Variants in EPS8 observed in about 807,000 individuals in gnomAD.
EPS8 encodes EGFR pathway substrate 8, signaling adaptor, also known as epidermal growth factor receptor kinase substrate 8.
In EPS8, 42 loss-of-function variants were observed where a neutral mutation model predicts 103.8. The ratio of observed to expected loss-of-function variants is 0.40; its 90% confidence interval spans 0.32 to 0.52. EPS8 has a LOEUF of 0.52. Among genes scored for constraint, EPS8 ranks in the 20% least tolerant of loss-of-function variants. EPS8 has a pLI of 0.40. For missense variants in EPS8, 969 were observed against 1,005.1 expected (o/e 0.96, Z 0.49); for synonymous variants, 344 against 344.6 (o/e 1.00, Z 0.02).
At position 15,734,995 on chromosome 12, in the gene EPS8, A is replaced by C. The variant is rs1007334316; in HGVS notation, c.-21-52023T>G. Reference sequence around the variant, plus strand: ...CAACACTGAAGGGCATCTGTAGCACAGCCCAGGTATTGACAGGGAGCTCCG... The same window carrying C: ...CAACACTGAAGGGCATCTGTAGCACCGCCCAGGTATTGACAGGGAGCTCCG... On this transcript the variant is annotated intron_variant, in intron 1 of 20. Transcript: ENST00000281172. The surrounding 1 kb of genome is among the most constrained non-coding windows in gnomAD (Gnocchi z 4.1). Among the ~76,000 whole-genome samples, 4 of 152,204 alleles carry C rather than the reference A, an allele frequency of 2.6e-5. No individual in the cohort carries two copies. The highest frequency in any genetic ancestry group is 2.6e-4 in the Admixed American group (4 of 15,290).
intron 15 of EPS8, 47 bp downstream of exon 15, chr12:15,647,080 A>G: frequency 6.3e-7 from 1 of 1,575,316 alleles, no homozygotes; most frequent in Non-Finnish European, 8.6e-7. Context: ...GCACTAGATC[A>G]GAGACATTTA....
At position 15,762,164 on chromosome 12, in the gene EPS8, CA is replaced by C. The variant is rs1046693909; in HGVS notation, c.-22+26996del. ...TTCTCAAAGGAAGACATACAAATGG[CA>C]AACAGGCATACGAAAAGGTGCTCAA... On this transcript the variant is annotated intron_variant, in intron 1 of 20. Transcript: ENST00000281172. This position sits in a 1 kb window ranked among gnomAD's most constrained non-coding sequence, Gnocchi z 4.8. Among the ~76,000 whole-genome samples, 6 of 152,046 alleles carry C rather than the reference CA, an allele frequency of 3.9e-5. No individual in the cohort carries two copies. Among genetic ancestry groups the C allele is most frequent in the African/African-American group, 1.4e-4 (6 of 41,408 alleles).
intron 1 of EPS8, among the ~76,000 whole-genome samples, chr12:15,775,377 C>T (rs1001701286): frequency 2.0e-4 from 31 of 151,956 alleles, no homozygotes; most frequent in Non-Finnish European, 8.8e-5. Flanking sequence ...TTAAATTGAC[C>T]TTAATAGTTT....
At chr12:15,635,571 A>G (rs1013043530) in intron 17 of EPS8, among the ~76,000 whole-genome samples, 3 of 152,318 alleles carry the variant, frequency 2.0e-5, no homozygotes, top group Admixed American at 1.3e-4. Flanking sequence ...GAGCACTAAT[A>G]ACATAGGCTG....
Position 15,769,506 on chromosome 12 carries a change from A to G in EPS8, c.-22+19655T>C, listed in dbSNP as rs1947131025. 6.6e-6 allele frequency among the ~76,000 whole-genome samples: 1 copy of G among 152,264 alleles called. No homozygotes were observed. Among genetic ancestry groups the G allele is most frequent in the South Asian group, 2.1e-4 (1 of 4,838 alleles). ...TCAACTTTGGAAAAATTACACAAAT[A>G]TAAGACGCTCTTGTTGGCAAATATT... On this transcript the variant is annotated intron_variant, in intron 1 of 20. Coordinates refer to ENST00000281172, the MANE Select transcript of EPS8 (RefSeq NM_004447.6). This position sits in a 1 kb window ranked among gnomAD's most constrained non-coding sequence, Gnocchi z 4.6.
At chr12:15,642,723 A>G (rs1439622012) in intron 15 of EPS8, among the ~76,000 whole-genome samples, 1 of 152,214 alleles carries the variant, frequency 6.6e-6, no homozygotes, top group Non-Finnish European at 1.5e-5. Context: ...GGTAGAGACT[A>G]AAGATGTTAG....
At chr12:15,678,445 G>C (rs1164579266) in intron 3 of EPS8, among the ~76,000 whole-genome samples, 3 of 152,090 alleles carry the variant, frequency 2.0e-5, no homozygotes, top group African/African-American at 7.2e-5. Context: ...CCCTATAAAT[G>C]CTTCTTGGAT....
Position 15,785,156 on chromosome 12 carries a change from T to G in EPS8, c.-22+4005A>C, listed in dbSNP as rs1015218598. ...AAGGTCAAGGAATCCCAAGGTGGAA[T>G]GCAGATTGTAACAAAGAAATCTAAC... On this transcript the variant is annotated intron_variant, in intron 1 of 20. Coordinates refer to ENST00000281172, the MANE Select transcript of EPS8 (RefSeq NM_004447.6). This position sits in a 1 kb window ranked among gnomAD's most constrained non-coding sequence, Gnocchi z 4.9. Among the ~76,000 whole-genome samples the G allele has an allele frequency of 6.6e-6, 1 of 152,162 alleles. No homozygotes were observed. The highest frequency in any genetic ancestry group is 2.4e-5 in the African/African-American group (1 of 41,454).
At chr12:15,668,614 C>T (rs775510936) in intron 6 of EPS8, among the ~76,000 whole-genome samples, 2 of 152,162 alleles carry the variant, frequency 1.3e-5, no homozygotes, top group African/African-American at 2.4e-5. Flanking sequence ...CCTGTTATTA[C>T]TGGCTCAACT....
Position 15,780,530 on chromosome 12 carries a change from A to ACACACACACACACG in EPS8, c.-22+8630_-22+8631insCGTGTGTGTGTGTG, listed in dbSNP as rs1947250482. 6.7e-6 allele frequency: 1 copy of ACACACACACACACG among 148,856 alleles called. No individual in the cohort carries two copies. Among genetic ancestry groups the ACACACACACACACG allele is most frequent in the Non-Finnish European group, 1.5e-5 (1 of 68,008 alleles). 9.2% of individuals were successfully genotyped at this position (148,856 alleles called of 1,614,324 possible). ...CACACACACACACACACACACACAC[A>ACACACACACACACG]GGCATACACACTTTTCATTTAACAT... On this transcript the variant is annotated intron_variant, in intron 1 of 20. Transcript: ENST00000281172. The surrounding 1 kb of genome is among the most constrained non-coding windows in gnomAD (Gnocchi z 4.1).
At chr12:15,770,378 T>A (rs1205056639) in intron 1 of EPS8, among the ~76,000 whole-genome samples, 6 of 151,788 alleles carry the variant, frequency 4.0e-5, no homozygotes, top group Non-Finnish European at 8.8e-5. Flanking sequence ...ATATTTATAA[T>A]TACAGTAGGA....
In EPS8 at chr12:15,660,729, GT is replaced by G; in HGVS notation, c.821del (p.Asn274ThrfsTer43). The G allele has an allele frequency of 6.3e-7, 1 of 1,593,010 alleles. No homozygotes were observed. The highest frequency in any genetic ancestry group is 8.6e-7 in the Non-Finnish European group (1 of 1,165,418). Reference protein sequence around the residue: ...ARIDRDVQILNHILDDIEFFI... With the variant: ...ARIDRDVQILXHILDDIEFFI... Reference sequence around the variant, plus strand: ...AAAATTCAATGTCATCCAAAATGTGGTTTAAGATTTGCTGAAATTAGAAATT... The same window carrying G: ...AAAATTCAATGTCATCCAAAATGTGGTTAAGATTTGCTGAAATTAGAAATT... On this transcript the variant is annotated frameshift_variant, in exon 10 of 21. Coordinates refer to ENST00000281172, the MANE Select transcript of EPS8 (RefSeq NM_004447.6). LOFTEE classifies it high-confidence loss of function.
intron 4 of EPS8, 132 bp downstream of exon 4, chr12:15,670,724 A>C (rs1273661837): frequency 1.9e-5 from 11 of 577,676 alleles, no homozygotes; most frequent in Non-Finnish European, 3.3e-5. Flanking sequence ...GTTTTAAAAA[A>C]TCTAAACAAA....
chr12:15,662,284 A>G, intron 8 of EPS8, 185 bp from the exon 9 acceptor site: 1 of 1,409,990 alleles, frequency 7.1e-7, no homozygotes, highest in Non-Finnish European at 9.2e-7. Context: ...TAACAGGAGC[A>G]GTTGAGCAGA....
Position 15,697,488 on chromosome 12 carries a change from A to C in EPS8, c.-21-14516T>G, listed in dbSNP as rs1946258486. 1.3e-5 allele frequency among the ~76,000 whole-genome samples: 2 copies of C among 152,236 alleles called. No homozygotes were observed. Among genetic ancestry groups the C allele is most frequent in the Non-Finnish European group, 2.9e-5 (2 of 68,042 alleles). ...TTCTTTTAATTGTCACAACTGCCTC[A>C]TGAAGTAGGAACAATTACCATTCCC... On this transcript the variant is annotated intron_variant, in intron 1 of 20. Transcript: ENST00000281172. The surrounding 1 kb of genome is among the most constrained non-coding windows in gnomAD (Gnocchi z 5.6).
Position 15,777,018 on chromosome 12 carries a change from T to A in EPS8, c.-22+12143A>T, listed in dbSNP as rs1177989597. 6.6e-6 allele frequency among the ~76,000 whole-genome samples: 1 copy of A among 152,172 alleles called. No homozygotes were observed. The highest frequency in any genetic ancestry group is 1.5e-5 in the Non-Finnish European group (1 of 68,026). ...TATCCTGTAGTCCAATGAGAGCTGA[T>A]AAAATCATTCTTCAACTATTCTACT... is the stretch of plus-strand genomic sequence containing the variant. On this transcript the variant is annotated intron_variant, in intron 1 of 20. Transcript: ENST00000281172. The surrounding 1 kb of genome is among the most constrained non-coding windows in gnomAD (Gnocchi z 4.7).
intron 6 of EPS8, 43 bp downstream of exon 6, chr12:15,669,344 C>A: frequency 6.4e-7 from 1 of 1,556,498 alleles, no homozygotes; most frequent in Non-Finnish European, 8.7e-7. Flanking sequence ...AGCTCCCAGA[C>A]AATCTGCTTA....
At chr12:15,669,117 C>T (rs1022562726) in intron 6 of EPS8, among the ~76,000 whole-genome samples, 1 of 152,170 alleles carries the variant, frequency 6.6e-6, no homozygotes, top group African/African-American at 2.4e-5. Flanking sequence ...TGGGCCCAAA[C>T]CCCTGGCCTC....
Position 15,631,587 on chromosome 12 carries a change from A to G in EPS8, c.1899T>C (p.Val633=). 1 of 1,614,104 alleles carries G rather than the reference A, an allele frequency of 6.2e-7. No homozygotes were observed. Among genetic ancestry groups the G allele is most frequent in the South Asian group, 1.1e-5 (1 of 91,078 alleles). ...GAGTGGAAGGGGGAAGGGGAACAGG[A>G]ACAGGAGCTGGTGTTGGAGGAGGTG... is the stretch of plus-strand genomic sequence containing the variant. The part of the protein sequence containing the change: ...APSPPPTPAP[V]PVPLPPSTPA... The change falls in exon 18 of 21, where the codon GTT becomes GTC. Residue 633 remains valine (V), a synonymous_variant. Coordinates refer to ENST00000281172, the MANE Select transcript of EPS8 (RefSeq NM_004447.6).
Sources: allele counts gnomAD v4.1 joint callset (sites outside exome capture counted in the v4.1 genomes callset), GRCh38; gene constraint gnomAD v4.1.1; non-coding constraint Gnocchi (gnomAD v3.1); transcripts MANE v1.5; gene names NCBI Gene and HGNC (gene_info 2026-07-23, HGNC 2026-07-21).